Variants in GLI3 observed in about 807,000 individuals in gnomAD.
GLI3 encodes the protein transcription activator GLI3.
In GLI3, 20 loss-of-function variants were observed where a neutral mutation model predicts 100.8. The ratio of observed to expected loss-of-function variants is 0.20; its 90% CI spans 0.14 to 0.29. The LOEUF (loss-of-function observed/expected upper bound fraction) is 0.29, where lower values mean the gene tolerates loss of function less well. Ranked by LOEUF, GLI3 falls within the 10% of genes least tolerant of loss-of-function variation. The pLI is 1.00. For synonymous variants in GLI3, 938 were observed against 860.5 expected, an observed-to-expected ratio of 1.09 and a Z score of -1.58; for missense variants, 2,040 against 2,128.5, an observed-to-expected ratio of 0.96 and a Z score of 0.82.
Position 41,961,166 on chromosome 7 carries a change from T to C in GLI3, c.*3164A>G, listed in dbSNP as rs1269748213. On this transcript the variant is annotated 3_prime_UTR_variant, in exon 15 of 15. Transcript: ENST00000395925. Reference sequence around the variant, plus strand: ...GCTATGCCTACAATACTTAAATGTATTTACATGTGTTTCTTTTAAAAAAAG... The same window carrying C: ...GCTATGCCTACAATACTTAAATGTACTTACATGTGTTTCTTTTAAAAAAAG... The C allele has an allele frequency of 6.6e-6, 1 of 152,630 alleles. No individual in the cohort carries two copies. The highest frequency in any genetic ancestry group is 1.5e-5 in the Non-Finnish European group (1 of 68,032). 9.5% of individuals were successfully genotyped at this position (152,630 alleles called of 1,614,324 possible).
intron 1 of GLI3, 117 bp from the exon 2 acceptor site, chr7:42,223,412 T>C: frequency 1.6e-6 from 1 of 616,326 alleles, no homozygotes; most frequent in South Asian, 1.8e-5. Context: ...AAATTCAAAA[T>C]GTGGATGACA....
chr7:42,206,438 GAAATA>G (rs66502855), intron 2 of GLI3, among the ~76,000 whole-genome samples: 8,408 of 151,986 alleles, frequency 0.055, 753 homozygotes, highest in African/African-American at 0.19. Context: ...TCTCTTTAAC[GAAATA>G]AGATAATACA....
chr7:42,034,809 T>C (rs1222744750), intron 7 of GLI3, among the ~76,000 whole-genome samples: 6 of 152,254 alleles, frequency 3.9e-5, no homozygotes, highest in African/African-American at 1.4e-4. Flanking sequence ...CCTTTGTTCA[T>C]TCATTTGTTC....
chr7:42,133,841 G>A (rs904354201), intron 3 of GLI3, among the ~76,000 whole-genome samples: 1 of 151,932 alleles, frequency 6.6e-6, no homozygotes, highest in African/African-American at 2.4e-5. Flanking sequence ...TAGCACTTTG[G>A]GAGGCCCAGG....
intron 3 of GLI3, among the ~76,000 whole-genome samples, chr7:42,131,173 T>C (rs1786265503): frequency 6.6e-6 from 1 of 152,202 alleles, no homozygotes; most frequent in South Asian, 2.1e-4. Context: ...TCGTAAGACC[T>C]AGGAAACAGT....
chr7:42,051,838 C>T (rs941654931), intron 4 of GLI3, among the ~76,000 whole-genome samples: 4 of 152,074 alleles, frequency 2.6e-5, no homozygotes, highest in Non-Finnish European at 4.4e-5. Context: ...GATGAGCCTA[C>T]ACTCACACAT....
intron 3 of GLI3, 126 bp downstream of exon 3, chr7:42,148,100 T>C: frequency 1.0e-6 from 1 of 968,450 alleles, no homozygotes; most frequent in Non-Finnish European, 1.5e-6. Flanking sequence ...TTACACCTTT[T>C]AATAAATTAT....
intron 1 of GLI3, among the ~76,000 whole-genome samples, chr7:42,256,369 T>C (rs560243496): frequency 6.6e-5 from 10 of 152,246 alleles, no homozygotes; most frequent in South Asian, 2.1e-4. Flanking sequence ...TCCCAAGATA[T>C]TGAAAATTTC....
chr7:42,260,576 A>G (rs759153636), intron 1 of GLI3, among the ~76,000 whole-genome samples: 2 of 152,212 alleles, frequency 1.3e-5, no homozygotes, highest in Non-Finnish European at 2.9e-5. Context: ...AGGTGTGAGA[A>G]TGTTCATTTT....
At chr7:42,077,486 C>T (rs1415875686) in intron 3 of GLI3, among the ~76,000 whole-genome samples, 1 of 151,934 alleles carries the variant, frequency 6.6e-6, no homozygotes, top group Non-Finnish European at 1.5e-5. Flanking sequence ...CACTGTGCAG[C>T]CCTCCAGGAA....
At position 42,170,441 on chromosome 7, in the gene GLI3, C is replaced by T. The variant is rs184169228; in HGVS notation, c.125-21973G>A. 2.4e-3 allele frequency among the ~76,000 whole-genome samples: 298 copies of T among 124,832 alleles called. 5 individuals are homozygous for T. The East Asian group carries it at 0.028, about 12-fold the overall frequency. The allele number at this position is 124,832 out of a possible 152,430, so 81.9% of individuals were successfully genotyped here. A position where few individuals can be genotyped will look rare whatever the true frequency, so the allele number is the denominator to read the frequency against. ...TTTTTGAGACAGTGTCTCGCTCTGT[C>T]GCCCAGATTGGAGTGCAGTGGCACA... On this transcript the variant is annotated intron_variant, in intron 2 of 14. Coordinates refer to ENST00000395925, the MANE Select transcript of GLI3 (RefSeq NM_000168.6).
intron 2 of GLI3, among the ~76,000 whole-genome samples, chr7:42,149,497 A>G (rs760555338): frequency 6.6e-6 from 1 of 152,240 alleles, no homozygotes; most frequent in Non-Finnish European, 1.5e-5. Flanking sequence ...CAACAAGTGG[A>G]CCAATTCATC....
chr7:42,022,209 T>C (rs530759721), intron 10 of GLI3, among the ~76,000 whole-genome samples: 26 of 152,274 alleles, frequency 1.7e-4, no homozygotes, highest in Admixed American at 1.3e-3. Flanking sequence ...TGTAAAATCC[T>C]CAAAACATTC....
chr7:41,992,294 T>C (rs942850863), intron 10 of GLI3, among the ~76,000 whole-genome samples: 2 of 152,222 alleles, frequency 1.3e-5, no homozygotes, highest in Admixed American at 6.5e-5. Context: ...TAACAGGTGA[T>C]ACCGAAGTCT....
intron 3 of GLI3, among the ~76,000 whole-genome samples, chr7:42,111,782 A>T (rs1785713218): frequency 6.6e-6 from 1 of 152,200 alleles, no homozygotes. Flanking sequence ...GAAAAGGAGC[A>T]CAGAAACCAG....
intron 3 of GLI3, among the ~76,000 whole-genome samples, chr7:42,130,484 T>A (rs1473334255): frequency 2.6e-5 from 4 of 152,232 alleles, no homozygotes; most frequent in Non-Finnish European, 4.4e-5. Flanking sequence ...AATAAAAGAT[T>A]TCTTAAAGTT....
At chr7:42,207,888 T>G (rs1034213296) in intron 2 of GLI3, among the ~76,000 whole-genome samples, 9 of 152,224 alleles carry the variant, frequency 5.9e-5, no homozygotes, top group African/African-American at 2.2e-4. Flanking sequence ...CCGAGCACGG[T>G]GGCTCACGCC....
chr7:42,208,089 G>A (rs912552372), intron 2 of GLI3, among the ~76,000 whole-genome samples: 3 of 152,188 alleles, frequency 2.0e-5, no homozygotes, highest in African/African-American at 4.8e-5. Flanking sequence ...AACCTGGGAG[G>A]CAGAGGTTGC....
intron 3 of GLI3, among the ~76,000 whole-genome samples, chr7:42,137,407 T>C (rs530008067): frequency 6.6e-6 from 1 of 152,168 alleles, no homozygotes; most frequent in East Asian, 1.9e-4. Flanking sequence ...CCCCCTACTG[T>C]CCCAACCCCT....
Sources: allele counts gnomAD v4.1 joint callset (sites outside exome capture counted in the v4.1 genomes callset), GRCh38; gene constraint gnomAD v4.1.1; transcripts MANE v1.5; gene names NCBI Gene and HGNC (gene_info 2026-07-23, HGNC 2026-07-21).